PNMA8B: variants seen among roughly 807,000 people sequenced by gnomAD.
PNMA8B encodes the protein PNMA family member 8B, also known as paraneoplastic antigen-like protein 8B.
For missense variants in PNMA8B, 887 were observed against 885.8 expected (o/e 1.00, Z -0.02); for synonymous variants, 386 against 394.9 (o/e 0.98, Z 0.27).
chr19:46,493,549 G>T lies in PNMA8B; in HGVS notation c.*9C>A, dbSNP rs1043634437. 3.0e-6 allele frequency: 4 copies of T among 1,351,566 alleles called. No homozygotes were observed. Among genetic ancestry groups the T allele is most frequent in the East Asian group, 2.9e-5 (1 of 34,246 alleles). 83.7% of individuals were successfully genotyped at this position (1,351,566 alleles called of 1,614,324 possible). A position where few individuals can be genotyped will look rare whatever the true frequency, so the allele number is the denominator to read the frequency against. ...CTGCTCGCAGCCTGGGCGGCTTCTT[G>T]GGGGGCCACTAGCGGCATTTAGGGG... is the stretch of plus-strand genomic sequence containing the variant. On this transcript the variant is annotated 3_prime_UTR_variant, in exon 1 of 1. Coordinates refer to ENST00000599531, the MANE Select transcript of PNMA8B (RefSeq NM_020709.3). The surrounding 1 kb of genome is among the most constrained non-coding windows in gnomAD (Gnocchi z 5.3).
At position 46,494,908 on chromosome 19, in the gene PNMA8B, C is replaced by CG; in HGVS notation, c.557dup (p.Ser187ValfsTer7). 6.2e-7 allele frequency: 1 copy of CG among 1,611,736 alleles called. No homozygotes were observed. The highest frequency in any genetic ancestry group is 8.5e-7 in the Non-Finnish European group (1 of 1,179,880). ...CGGCCTCACTCCTCGCGGGAGCAGA[C>CG]GGCCGTCCTCCTCGGCTTCTCTTCT... is the stretch of plus-strand genomic sequence containing the variant. On this transcript the variant is annotated frameshift_variant, in exon 1 of 1. Coordinates refer to ENST00000599531, the MANE Select transcript of PNMA8B (RefSeq NM_020709.3). LOFTEE classifies it low-confidence loss of function (END_TRUNC).
In PNMA8B at chr19:46,493,072, G is replaced by GC. The variant is rs1970028015; in HGVS notation, c.*485dup. ...GGGGCCTCCCCTGGCTGAGAGTTGCGCCCTGACACGCGCTGCGCGGCTGGT... is the reference window on the plus strand; with the variant it reads ...GGGGCCTCCCCTGGCTGAGAGTTGCGCCCCTGACACGCGCTGCGCGGCTGGT... On this transcript the variant is annotated 3_prime_UTR_variant, in exon 1 of 1. Coordinates refer to ENST00000599531, the MANE Select transcript of PNMA8B (RefSeq NM_020709.3). This position sits in a 1 kb window ranked among gnomAD's most constrained non-coding sequence, Gnocchi z 5.3. 1 of 156,516 alleles carries GC rather than the reference G, an allele frequency of 6.4e-6. No individual in the cohort carries two copies. Among genetic ancestry groups the GC allele is most frequent in the African/African-American group, 2.4e-5 (1 of 41,590 alleles). The allele number at this position is 156,516 out of a possible 1,614,324, so 9.7% of individuals were successfully genotyped here.
chr19:46,494,469 C>A lies in PNMA8B; in HGVS notation c.997G>T (p.Val333Leu), dbSNP rs1047266206. The A allele has an allele frequency of 6.2e-7, 1 of 1,614,036 alleles. No homozygotes were observed. The highest frequency in any genetic ancestry group is 8.5e-7 in the Non-Finnish European group (1 of 1,179,904). ...GGGTCGGTATAGGCCACAATGGCCA[C>A]GAACTCAGGATTATCCAACTCCTCT... is the stretch of plus-strand genomic sequence containing the variant. ...ETEELDNPEF[V>L]AIVAYTDPSD... Residue 333 changes from valine (V) to leucine (L), a missense_variant, in exon 1 of 1, where the codon GTG (valine) becomes TTG (leucine). Transcript: ENST00000599531.
rs1970008089 is a variant in PNMA8B at position 46,491,866 on chromosome 19, T to G, written c.*1692A>C. 5.9e-6 allele frequency: 1 copy of G among 168,646 alleles called. No homozygotes were observed. Among genetic ancestry groups the G allele is most frequent in the Non-Finnish European group, 1.3e-5 (1 of 77,658 alleles). 10.4% of individuals were successfully genotyped at this position (168,646 alleles called of 1,614,324 possible). On this transcript the variant is annotated 3_prime_UTR_variant, in exon 1 of 1. Coordinates refer to ENST00000599531, the MANE Select transcript of PNMA8B (RefSeq NM_020709.3). ...AGTACAGTGCTGAATTTCACTTTACTGGAGGATCCAGGTGACACAGGGCAC... is the reference window on the plus strand; with the variant it reads ...AGTACAGTGCTGAATTTCACTTTACGGGAGGATCCAGGTGACACAGGGCAC...
chr19:46,495,687 G>T lies in PNMA8B; in HGVS notation c.-222C>A. ...CCTTCCCCCGGGACCCCTCTCCAGA[G>T]CTGTCTGAGGATCCGCGGGGGGCTT... On this transcript the variant is annotated 5_prime_UTR_variant, in exon 1 of 1. Coordinates refer to ENST00000599531, the MANE Select transcript of PNMA8B (RefSeq NM_020709.3). The T allele has an allele frequency of 1.7e-6, 1 of 579,632 alleles. No homozygotes were observed. Among genetic ancestry groups the T allele is most frequent in the Non-Finnish European group, 3.1e-6 (1 of 320,904 alleles). 35.9% of individuals were successfully genotyped at this position (579,632 alleles called of 1,614,324 possible). A position where few individuals can be genotyped will look rare whatever the true frequency, so the allele number is the denominator to read the frequency against.
Position 46,492,250 on chromosome 19 carries a change from C to T in PNMA8B, c.*1308G>A. Reference sequence around the variant, plus strand: ...TTGGGACGAGGAAGCACACACATTGCCCCAGGGACAAGAAGGCATGAATGA... The same window carrying T: ...TTGGGACGAGGAAGCACACACATTGTCCCAGGGACAAGAAGGCATGAATGA... On this transcript the variant is annotated 3_prime_UTR_variant, in exon 1 of 1. Coordinates refer to ENST00000599531, the MANE Select transcript of PNMA8B (RefSeq NM_020709.3). 5.6e-6 allele frequency: 2 copies of T among 358,156 alleles called. No homozygotes were observed. The highest frequency in any genetic ancestry group is 1.2e-5 in the Non-Finnish European group (2 of 172,476). 22.2% of individuals were successfully genotyped at this position (358,156 alleles called of 1,614,324 possible).
rs925878767 is a variant in PNMA8B, at chr19:46,491,466, C to T, written c.*2092G>A. 9.8e-5 allele frequency: 15 copies of T among 152,298 alleles called. No individual in the cohort carries two copies. The highest frequency in any genetic ancestry group is 1.9e-4 in the Non-Finnish European group (13 of 68,298). 9.4% of individuals were successfully genotyped at this position (152,298 alleles called of 1,614,324 possible). A position where few individuals can be genotyped will look rare whatever the true frequency, so the allele number is the denominator to read the frequency against. On this transcript the variant is annotated 3_prime_UTR_variant, in exon 1 of 1. Coordinates refer to ENST00000599531, the MANE Select transcript of PNMA8B (RefSeq NM_020709.3). Reference sequence around the variant, plus strand: ...TAGGATGGAAAGCTGAGTCTGAGGTCCAGGGCACAGGTGAGGGGTGGAGGC... The same window carrying T: ...TAGGATGGAAAGCTGAGTCTGAGGTTCAGGGCACAGGTGAGGGGTGGAGGC...
Position 46,495,678 on chromosome 19 carries a change from C to T in PNMA8B, c.-213G>A, listed in dbSNP as rs1425435238. The T allele has an allele frequency of 1.7e-6, 1 of 594,494 alleles. No individual in the cohort carries two copies. Among genetic ancestry groups the T allele is most frequent in the Non-Finnish European group, 3.0e-6 (1 of 332,064 alleles). The allele number at this position is 594,494 out of a possible 1,614,324, so 36.8% of individuals were successfully genotyped here. A position where few individuals can be genotyped will look rare whatever the true frequency, so the allele number is the denominator to read the frequency against. On this transcript the variant is annotated 5_prime_UTR_variant, in exon 1 of 1. Coordinates refer to ENST00000599531, the MANE Select transcript of PNMA8B (RefSeq NM_020709.3). ...ACGCAGTGACCTTCCCCCGGGACCC[C>T]TCTCCAGAGCTGTCTGAGGATCCGC...
Position 46,494,936 on chromosome 19 carries a change from C to T in PNMA8B, c.530G>A (p.Gly177Asp), listed in dbSNP as rs753345262. ...CCGTCCTCCTCGGCTTCTCTTCTTGCCCTTCTGGGTCAACCTGTTGCGTCT... is the reference window on the plus strand; with the variant it reads ...CCGTCCTCCTCGGCTTCTCTTCTTGTCCTTCTGGGTCAACCTGTTGCGTCT... ...RTRRNRLTQK[G>D]KKRSRGGRPS... The change falls in exon 1 of 1, where the codon GGC (glycine) becomes GAC (aspartate). Residue 177 changes from glycine (G) to aspartate (D), a missense_variant. Coordinates refer to ENST00000599531, the MANE Select transcript of PNMA8B (RefSeq NM_020709.3). 6.2e-7 allele frequency: 1 copy of T among 1,610,548 alleles called. No individual in the cohort carries two copies. The highest frequency in any genetic ancestry group is 1.1e-5 in the South Asian group (1 of 91,086).
At position 46,494,042 on chromosome 19, in the gene PNMA8B, C is replaced by T. The variant is rs369049949; in HGVS notation, c.1424G>A (p.Gly475Glu). ...TTTGCCTTTGGGGTATTTGTACTTC[C>T]CGCCTTCCCAGGCGTTTTCTTTTTC... is the stretch of plus-strand genomic sequence containing the variant. ...KEEKENAWEG[G>E]KYKYPKGKLG... Residue 475 changes from glycine to glutamate, a missense_variant, in exon 1 of 1, where the codon GGG becomes GAG. By Grantham distance (98) the Gly-to-Glu change is moderately conservative. Transcript: ENST00000599531. 1.4e-5 allele frequency: 22 copies of T among 1,613,626 alleles called. No individual in the cohort carries two copies. In the African/African-American group the frequency reaches 2.8e-4, roughly 21 times the overall value.
In PNMA8B at chr19:46,492,925, C is replaced by G. The variant is rs1307748396; in HGVS notation, c.*633G>C. The stretch of plus-strand genomic sequence containing the variant: ...GTCTTCCCTCTGCTCCCCCCTCCCC[C>G]TCCTCCTCCTCTTTCCCTTCTCCCA... On this transcript the variant is annotated 3_prime_UTR_variant, in exon 1 of 1. Coordinates refer to ENST00000599531, the MANE Select transcript of PNMA8B (RefSeq NM_020709.3). The G allele has an allele frequency of 6.5e-6, 1 of 154,666 alleles. No individual in the cohort carries two copies. The highest frequency in any genetic ancestry group is 1.5e-5 in the Non-Finnish European group (1 of 68,458). 9.6% of individuals were successfully genotyped at this position (154,666 alleles called of 1,614,324 possible).
At position 46,491,506 on chromosome 19, in the gene PNMA8B, C is replaced by T. The variant is rs1237132666; in HGVS notation, c.*2052G>A. On this transcript the variant is annotated 3_prime_UTR_variant, in exon 1 of 1. Transcript: ENST00000599531. ...GGGGTGGAGGCTGGGGGGAGAGTGC[C>T]TGCAGCTGTGGCCTGGCAGAGTGTA... is the stretch of plus-strand genomic sequence containing the variant. 1 of 151,558 alleles carries T rather than the reference C, an allele frequency of 6.6e-6. No individual in the cohort carries two copies. The highest frequency in any genetic ancestry group is 1.5e-5 in the Non-Finnish European group (1 of 68,162). The allele number at this position is 151,558 out of a possible 1,614,324, so 9.4% of individuals were successfully genotyped here. A position where few individuals can be genotyped will look rare whatever the true frequency, so the allele number is the denominator to read the frequency against.
At position 46,494,346 on chromosome 19, in the gene PNMA8B, G is replaced by A; in HGVS notation, c.1120C>T (p.Gln374Ter). ...TCCTTGGACATGACGGACAAGACCT[G>A]TCGGAGGGGGTCTCGCTTGTCTTTC... is the stretch of plus-strand genomic sequence containing the variant. ...DEKDKRDPLR[Q>*]VLSVMSKDTN... is the part of the protein sequence containing the mutation. Residue 374 changes from glutamine (Q) to a stop codon, truncating the protein, a stop_gained, in exon 1 of 1, where the codon CAG becomes TAG. Transcript: ENST00000599531. LOFTEE classifies it low-confidence loss of function (END_TRUNC). 6.2e-7 allele frequency: 1 copy of A among 1,613,198 alleles called. No homozygotes were observed. The highest frequency in any genetic ancestry group is 8.5e-7 in the Non-Finnish European group (1 of 1,179,908).
rs1970024517 is a variant in PNMA8B, at chr19:46,492,889, G to A, written c.*669C>T. On this transcript the variant is annotated 3_prime_UTR_variant, in exon 1 of 1. Transcript: ENST00000599531. ...TTATCAGGGGCGCCCCAGTAGGCAG[G>A]GCTGGCATGTGTCTTCCCTCTGCTC... 1 of 154,262 alleles carries A rather than the reference G, an allele frequency of 6.5e-6. No homozygotes were observed. Among genetic ancestry groups the A allele is most frequent in the Non-Finnish European group, 1.5e-5 (1 of 68,418 alleles). The allele number at this position is 154,262 out of a possible 1,614,324, so 9.6% of individuals were successfully genotyped here.
rs1039466566 is a variant in PNMA8B, at chr19:46,493,314, C to G, written c.*244G>C. ...TCCCCATCTCGGCCCTGCGCTGCTG[C>G]CTCGGGCGCCCACTTCTCTTTCCTC... is the stretch of plus-strand genomic sequence containing the variant. On this transcript the variant is annotated 3_prime_UTR_variant, in exon 1 of 1. Transcript: ENST00000599531. The surrounding 1 kb of genome is among the most constrained non-coding windows in gnomAD (Gnocchi z 5.3). 6 of 386,472 alleles carry G rather than the reference C, an allele frequency of 1.6e-5. No individual in the cohort carries two copies. The highest frequency in any genetic ancestry group is 1.2e-4 in the African/African-American group (6 of 48,212). 23.9% of individuals were successfully genotyped at this position (386,472 alleles called of 1,614,324 possible). A position where few individuals can be genotyped will look rare whatever the true frequency, so the allele number is the denominator to read the frequency against.
Position 46,493,042 on chromosome 19 carries a change from G to A in PNMA8B, c.*516C>T, listed in dbSNP as rs916949592. ...TGGAATCATCTCTTCCCCTGGCTGG[G>A]AGCTGGGGCCTCCCCTGGCTGAGAG... On this transcript the variant is annotated 3_prime_UTR_variant, in exon 1 of 1. Coordinates refer to ENST00000599531, the MANE Select transcript of PNMA8B (RefSeq NM_020709.3). The surrounding 1 kb of genome is among the most constrained non-coding windows in gnomAD (Gnocchi z 5.3). 1 of 155,722 alleles carries A rather than the reference G, an allele frequency of 6.4e-6. No individual in the cohort carries two copies. Among genetic ancestry groups the A allele is most frequent in the African/African-American group, 2.4e-5 (1 of 41,574 alleles). 9.6% of individuals were successfully genotyped at this position (155,722 alleles called of 1,614,324 possible).
In PNMA8B at chr19:46,494,427, G is replaced by C. The variant is rs199786064; in HGVS notation, c.1039C>G (p.Arg347Gly). The change falls in exon 1 of 1, where the codon CGG (arginine) becomes GGG (glycine). Residue 347 changes from arginine (R) to glycine (G), a missense_variant. By Grantham distance (125) the Arg-to-Gly change is moderately radical. Transcript: ENST00000599531. ...AYTDPSDPWA[R>G]EEMLKIASVI... ...GAAGCGATTTTCAACATCTCCTCCCGGGCCCAGGGGTCCGACGGGTCGGTA... is the reference window on the plus strand; with the variant it reads ...GAAGCGATTTTCAACATCTCCTCCCCGGCCCAGGGGTCCGACGGGTCGGTA... 1.2e-6 allele frequency: 2 copies of C among 1,613,718 alleles called. No homozygotes were observed. The highest frequency in any genetic ancestry group is 1.7e-6 in the Non-Finnish European group (2 of 1,179,892).
Position 46,493,623 on chromosome 19 carries a change from C to T in PNMA8B, c.1843G>A (p.Gly615Arg). The T allele has an allele frequency of 6.6e-7, 1 of 1,523,404 alleles. No individual in the cohort carries two copies. Among genetic ancestry groups the T allele is most frequent in the Non-Finnish European group, 8.7e-7 (1 of 1,147,358 alleles). 94.4% of individuals were successfully genotyped at this position (1,523,404 alleles called of 1,614,324 possible). The change falls in exon 1 of 1, where the codon GGA (glycine) becomes AGA (arginine). Residue 615 changes from glycine (G) to arginine (R), a missense_variant. Transcript: ENST00000599531. This position sits in a 1 kb window ranked among gnomAD's most constrained non-coding sequence, Gnocchi z 5.3. Reference sequence around the variant, plus strand: ...TTCTTCCCGCGCGCGGCCTTGGATCCAGTGGGCGCCTGGCCCTTGGCCTCG... The same window carrying T: ...TTCTTCCCGCGCGCGGCCTTGGATCTAGTGGGCGCCTGGCCCTTGGCCTCG... ...AGEAKGQAPT[G>R]SKAARGKKAR...
rs1326197331 is a variant in PNMA8B at position 46,494,280 on chromosome 19, C to A, written c.1186G>T (p.Glu396Ter). Residue 396 changes from glutamate to a stop codon, truncating the protein, a stop_gained, in exon 1 of 1, where the codon GAG (glutamate) becomes TAG (stop). Transcript: ENST00000599531. LOFTEE classifies it low-confidence loss of function (END_TRUNC). ...TRVKVEEAGR[E>*]VDAVVLRKAG... The stretch of plus-strand genomic sequence containing the variant: ...TTGCGCAGGACCACGGCGTCCACCT[C>A]GCGGCCCGCCTCTTCCACCTTCACG... 6.2e-7 allele frequency: 1 copy of A among 1,610,858 alleles called. No individual in the cohort carries two copies. The highest frequency in any genetic ancestry group is 8.5e-7 in the Non-Finnish European group (1 of 1,179,476).
Sources: gnomAD v4.1 joint callset for allele counts on GRCh38, gnomAD v4.1.1 for gene constraint, Gnocchi (gnomAD v3.1) non-coding constraint, MANE v1.5 for transcripts, NCBI Gene and HGNC (gene_info 2026-07-23, HGNC 2026-07-21) for gene names.